DEAF1: variants seen among roughly 807,000 people sequenced by gnomAD.
DEAF1 encodes the protein DEAF1 transcription factor.
DEAF1 carries 53 observed loss-of-function variants against 58.9 expected under a neutral mutation model. The ratio of observed to expected loss-of-function variants is 0.90; its 90% CI spans 0.72 to 1.13. DEAF1 has a LOEUF of 1.13. DEAF1 is among the 50% of genes most tolerant of loss of function. The pLI, the probability that DEAF1 is intolerant of heterozygous loss-of-function variation, is 0.00. For synonymous variants in DEAF1, 385 were observed against 340.4 expected, an observed-to-expected ratio of 1.13 and a Z score of -1.44; for missense variants, 685 against 791.4, an observed-to-expected ratio of 0.87 and a Z score of 1.61.
At chr11:698,219 CAG>C (rs1169662445), upstream of DEAF1, among the ~76,000 whole-genome samples, 1 of 151,810 alleles carries the variant, frequency 6.6e-6, no homozygotes, top group Non-Finnish European at 1.5e-5. Flanking sequence ...CAGGGTGAGT[CAG>C]AGGCGTCTTC....
At chr11:660,402 G>A (rs1859268460) in intron 10 of DEAF1, among the ~76,000 whole-genome samples, 1 of 152,188 alleles carries the variant, frequency 6.6e-6, no homozygotes, top group Admixed American at 6.5e-5. Flanking sequence ...GTCAGGCAGG[G>A]TCCCCCTGAA....
rs758787132 is a variant in DEAF1 at position 694,829 on chromosome 11, G to T, written c.219C>A (p.Pro73=). The change falls in exon 1 of 12, where the codon CCC becomes CCA. Residue 73 remains proline, a synonymous_variant. Transcript: ENST00000382409. ...CCTCGGCGCCCATGTCCATGTGCCC[G>T]GGCTCCGCCGCCATCACCGCCACTG... The part of the protein sequence containing the change: ...VTAVAVMAAE[P]GHMDMGAEAL... 3 of 1,457,986 alleles carry T rather than the reference G, an allele frequency of 2.1e-6. No individual in the cohort carries two copies. Among genetic ancestry groups the T allele is most frequent in the Non-Finnish European group, 2.7e-6 (3 of 1,108,552 alleles). 90.3% of individuals were successfully genotyped at this position (1,457,986 alleles called of 1,614,324 possible). A position where few individuals can be genotyped will look rare whatever the true frequency, so the allele number is the denominator to read the frequency against.
chr11:672,607 G>A (rs1317016195), intron 10 of DEAF1, among the ~76,000 whole-genome samples: 1 of 152,218 alleles, frequency 6.6e-6, no homozygotes, highest in Non-Finnish European at 1.5e-5. Flanking sequence ...AGCACTTTGG[G>A]AGACTGAGGT....
At chr11:654,491 G>A in intron 10 of DEAF1, 1 of 455,128 alleles carries the variant, frequency 2.2e-6, no homozygotes, top group Admixed American at 2.4e-5. Flanking sequence ...CTGCGCCTCT[G>A]CCCCAGTGCT....
chr11:705,844 G>A (rs1481256044), intron 1 of DEAF1, among the ~76,000 whole-genome samples: 2 of 152,204 alleles, frequency 1.3e-5, no homozygotes, highest in African/African-American at 4.8e-5. Context: ...CCGTCCCCCG[G>A]CCTGCTGGGG....
In DEAF1 at chr11:644,568, C is replaced by G. The variant is rs79183202; in HGVS notation, c.1680G>C (p.Met560Ile). 1.0e-3 allele frequency: 1,637 copies of G among 1,613,016 alleles called. 27 individuals are homozygous for G. In the East Asian group the frequency reaches 0.033, roughly 32 times the overall value. The change falls in exon 12 of 12, where the codon ATG becomes ATC. Residue 560 changes from methionine to isoleucine, a missense_variant. Met to Ile is a conservative substitution (Grantham distance 10). Transcript: ENST00000382409. This position sits in a 1 kb window ranked among gnomAD's most constrained non-coding sequence, Gnocchi z 4.3. ...TGGAGCCTCACACGGTCACCTTCTC[C>G]ATCACGCTTTCAGCCACGTGGACTT... ...ADEVHVAESVMEKVTV is the reference protein window; with the variant it reads ...ADEVHVAESVIEKVTV
At chr11:697,031 C>T (rs1312108878), upstream of DEAF1, among the ~76,000 whole-genome samples, 2 of 144,342 alleles carry the variant, frequency 1.4e-5, no homozygotes, top group African/African-American at 5.1e-5. Flanking sequence ...GGGTGGGGTG[C>T]GGAGGTTGCA....
chr11:644,523 C>G lies in DEAF1; in HGVS notation c.*27G>C, dbSNP rs1300036235. ...AAGCCTCACAGGAGTGCGAGGGGCC[C>G]CAGCTCCCAGGGCGGCCGATGGAGC... On this transcript the variant is annotated 3_prime_UTR_variant, in exon 12 of 12. Transcript: ENST00000382409. This position sits in a 1 kb window ranked among gnomAD's most constrained non-coding sequence, Gnocchi z 4.3. 1 of 1,601,084 alleles carries G rather than the reference C, an allele frequency of 6.2e-7. No individual in the cohort carries two copies. The highest frequency in any genetic ancestry group is 1.1e-5 in the South Asian group (1 of 90,162).
At chr11:673,573 C>T (rs756868314) in intron 10 of DEAF1, among the ~76,000 whole-genome samples, 12 of 152,106 alleles carry the variant, frequency 7.9e-5, no homozygotes, top group Admixed American at 2.0e-4. Flanking sequence ...TGGGGGAAAA[C>T]GTTTCTTACA....
chr11:662,899 T>C (rs1340026051), intron 10 of DEAF1, among the ~76,000 whole-genome samples: 1 of 152,114 alleles, frequency 6.6e-6, no homozygotes, highest in South Asian at 2.1e-4. Context: ...AGCAGCACCA[T>C]GAATATCCTC....
At chr11:684,863 C>T in intron 6 of DEAF1, 35 bp downstream of exon 6, 2 of 1,548,242 alleles carry the variant, frequency 1.3e-6, no homozygotes, top group Non-Finnish European at 1.7e-6. Context: ...CCAGCCCCAC[C>T]AAGTCATCCT....
In DEAF1 at chr11:703,176, C is replaced by A. The variant is rs1348939141; in HGVS notation, c.-438+3396G>T. The A allele has an allele frequency of 6.3e-6, 10 of 1,581,198 alleles. No homozygotes were observed. In the African/African-American group the frequency reaches 1.1e-4, roughly 17 times the overall value. ...CTACGGACACCCGGGATACCCCACA[C>A]TGGGGCCCTCCTCCTGGGCCTGACC... On this transcript the variant is annotated intron_variant, in intron 1 of 11. Coordinates refer to the DEAF1 transcript ENST00000683307.
chr11:666,096 C>T (rs1203245815), intron 10 of DEAF1: 5 of 152,178 alleles, frequency 3.3e-5, no homozygotes, highest in Non-Finnish European at 2.9e-5. Context: ...CTTAAAAACA[C>T]CACGGACTTC....
Position 644,367 on chromosome 11 carries a change from G to C in DEAF1, c.*183C>G. 1 of 649,234 alleles carries C rather than the reference G, an allele frequency of 1.5e-6. No homozygotes were observed. The highest frequency in any genetic ancestry group is 2.7e-5 in the East Asian group (1 of 36,562). 40.2% of individuals were successfully genotyped at this position (649,234 alleles called of 1,614,324 possible). A position where few individuals can be genotyped will look rare whatever the true frequency, so the allele number is the denominator to read the frequency against. On this transcript the variant is annotated 3_prime_UTR_variant, in exon 12 of 12. Coordinates refer to ENST00000382409, the MANE Select transcript of DEAF1 (RefSeq NM_021008.4). The surrounding 1 kb of genome is among the most constrained non-coding windows in gnomAD (Gnocchi z 4.3). ...CGCGAGCGGGCAGGGGGCCCGGGCA[G>C]GGGGAGTGCGCTTCCCAGGGCACCA...
At chr11:697,143 A>G (rs916699816), upstream of DEAF1, among the ~76,000 whole-genome samples, 2 of 150,896 alleles carry the variant, frequency 1.3e-5, no homozygotes, top group South Asian at 4.2e-4. Context: ...GGTCCCAGCT[A>G]CGTGGGAGGC....
At chr11:667,273 C>T (rs1015033359) in intron 10 of DEAF1, among the ~76,000 whole-genome samples, 2 of 151,198 alleles carry the variant, frequency 1.3e-5, no homozygotes, top group Admixed American at 1.3e-4. Context: ...GAGATGTGAC[C>T]ACAACACTGC....
chr11:656,593 C>T (rs1859066128), intron 10 of DEAF1, among the ~76,000 whole-genome samples: 1 of 152,232 alleles, frequency 6.6e-6, no homozygotes, highest in Non-Finnish European at 1.5e-5. Flanking sequence ...CAGCCCCTCA[C>T]AGACAGAGGT....
chr11:674,882 C>T (rs1014222747), intron 9 of DEAF1, 99 bp from the exon 10 acceptor site: 168 of 1,522,186 alleles, frequency 1.1e-4, no homozygotes, highest in East Asian at 2.5e-4. Context: ...CGGTGGCTCA[C>T]GCCTGTAATC....
At chr11:696,692 G>A (rs11602696), upstream of DEAF1, among the ~76,000 whole-genome samples, 1 of 3,212 alleles carries the variant, frequency 3.1e-4, no homozygotes, top group African/African-American at 6.5e-4. Context: ...CTTGAGCCCA[G>A]GAGGTCGAGG....
Sources: allele counts gnomAD v4.1 joint callset (sites outside exome capture counted in the v4.1 genomes callset), GRCh38; gene constraint gnomAD v4.1.1; non-coding constraint Gnocchi (gnomAD v3.1); transcripts MANE v1.5; gene names NCBI Gene and HGNC (gene_info 2026-07-23, HGNC 2026-07-21).